Variants in KCNJ6 observed in about 807,000 individuals in gnomAD.
KCNJ6 encodes potassium inwardly rectifying channel subfamily J member 6.
In KCNJ6, 9 loss-of-function variants were observed where a neutral mutation model predicts 34.2. The observed-to-expected ratio is 0.26, with a 90% CI of 0.16 to 0.46. KCNJ6 has a LOEUF of 0.46. Ranked by LOEUF, KCNJ6 falls within the 20% of genes least tolerant of loss-of-function variation. KCNJ6 has a pLI of 1.00. For synonymous variants in KCNJ6, 196 were observed against 207.1 expected (o/e 0.95, Z 0.46); for missense variants, 236 against 531.3 (o/e 0.44, Z 5.46).
chr21:37,813,854 T>C (rs1291116170), intron 2 of KCNJ6, among the ~76,000 whole-genome samples: 1 of 152,188 alleles, frequency 6.6e-6, no homozygotes, highest in Admixed American at 6.5e-5. Context: ...CAAAAATTTC[T>C]TGAGTAATAC....
intron 2 of KCNJ6, among the ~76,000 whole-genome samples, chr21:37,732,264 T>A (rs911340306): frequency 1.3e-5 from 2 of 152,108 alleles, no homozygotes; most frequent in Non-Finnish European, 2.9e-5. Flanking sequence ...GCAGGGTGTG[T>A]GGGGCTGGCC....
intron 1 of KCNJ6, among the ~76,000 whole-genome samples, chr21:37,906,643 T>A (rs571856547): frequency 4.3e-4 from 66 of 152,308 alleles, no homozygotes; most frequent in African/African-American, 1.4e-3. Context: ...CAGCTGACTT[T>A]CATCAGCTCT....
At chr21:37,802,014 G>A (rs2055271689) in intron 2 of KCNJ6, among the ~76,000 whole-genome samples, 1 of 152,210 alleles carries the variant, frequency 6.6e-6, no homozygotes, top group African/African-American at 2.4e-5. Flanking sequence ...TGTGAGTGGT[G>A]AAGCTGGAGC....
chr21:37,641,397 T>C (rs1451596189), intron 3 of KCNJ6, among the ~76,000 whole-genome samples: 1 of 152,124 alleles, frequency 6.6e-6, no homozygotes, highest in Non-Finnish European at 1.5e-5. Flanking sequence ...TCGGATTCAT[T>C]GGATGTATAG....
rs149995164 is a variant in KCNJ6 at position 37,871,440 on chromosome 21, C to T, written c.-27-30731G>A. ...TGATATAGACCCTGTACACCTCCCACCCACGTATCTGGCAGAATGTTCAGG... is the reference window on the plus strand; with the variant it reads ...TGATATAGACCCTGTACACCTCCCATCCACGTATCTGGCAGAATGTTCAGG... On this transcript the variant is annotated intron_variant, in intron 1 of 3. Coordinates refer to ENST00000609713, the MANE Select transcript of KCNJ6 (RefSeq NM_002240.5). Among the ~76,000 whole-genome samples, 540 of 152,330 alleles carry T rather than the reference C, an allele frequency of 3.5e-3. 1 individual carries two copies. The highest frequency in any genetic ancestry group is 0.012 in the African/African-American group (516 of 41,574).
chr21:37,909,190 G>T (rs760763141), intron 1 of KCNJ6, among the ~76,000 whole-genome samples: 2 of 152,142 alleles, frequency 1.3e-5, no homozygotes, highest in African/African-American at 2.4e-5. Flanking sequence ...TTATGTGAAA[G>T]AAATCTTCTA....
At chr21:37,895,270 T>C (rs1190653324) in intron 1 of KCNJ6, among the ~76,000 whole-genome samples, 1 of 152,222 alleles carries the variant, frequency 6.6e-6, no homozygotes, top group Non-Finnish European at 1.5e-5. Flanking sequence ...TTAATGATCA[T>C]GCCTTATCTT....
At chr21:37,680,364 C>T (rs4477996) in intron 3 of KCNJ6, among the ~76,000 whole-genome samples, 76,094 of 151,844 alleles carry the variant, frequency 0.5, 19,088 homozygotes, top group East Asian at 0.51. Flanking sequence ...CTTCACTCCT[C>T]GAGCTCACAG....
At chr21:37,667,942 T>G (rs1403291619) in intron 3 of KCNJ6, among the ~76,000 whole-genome samples, 1 of 151,940 alleles carries the variant, frequency 6.6e-6, no homozygotes, top group Non-Finnish European at 1.5e-5. Context: ...CCAGGAGGCA[T>G]GCCAGAGCTC....
intron 3 of KCNJ6, among the ~76,000 whole-genome samples, chr21:37,667,610 G>T (rs1385312632): frequency 6.7e-6 from 1 of 148,996 alleles, no homozygotes; most frequent in Non-Finnish European, 1.5e-5. Context: ...GGGTAGCGGG[G>T]TCTGGGGTAG....
intron 2 of KCNJ6, among the ~76,000 whole-genome samples, chr21:37,803,736 AAC>A (rs1238290647): frequency 6.6e-6 from 1 of 152,134 alleles, no homozygotes; most frequent in African/African-American, 2.4e-5. Context: ...AATTAAAATG[AAC>A]ACACGACACC....
chr21:37,691,781 C>T (rs2054641021), intron 3 of KCNJ6, among the ~76,000 whole-genome samples: 1 of 150,902 alleles, frequency 6.6e-6, no homozygotes, highest in Non-Finnish European at 1.5e-5. Flanking sequence ...CCTGTGCTCA[C>T]AGGAAAGCAC....
intron 2 of KCNJ6, among the ~76,000 whole-genome samples, chr21:37,731,100 A>AGAGTGTGTGTGTGT: frequency 7.4e-6 from 1 of 134,784 alleles, no homozygotes; most frequent in African/African-American, 2.5e-5. Context: ...AGATGAGAGA[A>AGAGTGTGTGTGTGT]GTGTGTGTGT....
chr21:37,873,684 A>C (rs527669868), intron 1 of KCNJ6, among the ~76,000 whole-genome samples: 321 of 151,764 alleles, frequency 2.1e-3, no homozygotes, highest in African/African-American at 7.0e-3. Context: ...TGACTTTCTC[A>C]CTCTCCCTGT....
chr21:37,714,636 T>G lies in KCNJ6; in HGVS notation c.521A>C (p.Gln174Pro). ...ATTGACAATGGACCCCAACACAGAT[T>G]GGATTAAGAGAAGAATAATTCCCTC... is the stretch of plus-strand genomic sequence containing the variant. ...CPEGIILLLI[Q>P]SVLGSIVNAF... Residue 174 changes from glutamine (Q) to proline (P), a missense_variant, in exon 3 of 4, where the codon CAA becomes CCA. Gln to Pro is a moderately conservative substitution (Grantham distance 76). Around this residue, in one of 5 missense-constraint regions of KCNJ6, gnomAD observed 68 missense variants for 165.7 expected, o/e 0.41. Transcript: ENST00000609713. The surrounding 1 kb of genome is among the most constrained non-coding windows in gnomAD (Gnocchi z 5.9). The G allele has an allele frequency of 6.2e-7, 1 of 1,614,040 alleles. No individual in the cohort carries two copies. Among genetic ancestry groups the G allele is most frequent in the South Asian group, 1.1e-5 (1 of 91,060 alleles).
chr21:37,866,044 G>C (rs1461067842), intron 1 of KCNJ6, among the ~76,000 whole-genome samples: 1 of 152,198 alleles, frequency 6.6e-6, no homozygotes, highest in Non-Finnish European at 1.5e-5. Context: ...TTGTGGATGT[G>C]ATCATAATTG....
In KCNJ6 at chr21:37,714,419, C is replaced by G. The variant is rs1183663291; in HGVS notation, c.738G>C (p.Gln246His). The G allele has an allele frequency of 7.4e-6, 12 of 1,614,168 alleles. No individual in the cohort carries two copies. Among genetic ancestry groups the G allele is most frequent in the Non-Finnish European group, 9.3e-6 (11 of 1,180,028 alleles). Reference sequence around the variant, plus strand: ...ACGGGATGAACTCCCCCTCCGAGGTCTGTTTGGATTTGATCAACTTGGCTC... The same window carrying G: ...ACGGGATGAACTCCCCCTCCGAGGTGTGTTTGGATTTGATCAACTTGGCTC... ...SIRAKLIKSK[Q>H]TSEGEFIPLN... Residue 246 changes from glutamine (Q) to histidine (H), a missense_variant, in exon 3 of 4, where the codon CAG (glutamine) becomes CAC (histidine). Transcript: ENST00000609713. This position sits in a 1 kb window ranked among gnomAD's most constrained non-coding sequence, Gnocchi z 5.9.
At chr21:37,729,271 C>T (rs907767430) in intron 2 of KCNJ6, among the ~76,000 whole-genome samples, 9 of 151,862 alleles carry the variant, frequency 5.9e-5, no homozygotes, top group African/African-American at 1.2e-4. Flanking sequence ...AGGAGATAAA[C>T]GCCACGTCAC....
chr21:37,863,032 A>G (rs1426962108), intron 1 of KCNJ6, among the ~76,000 whole-genome samples: 1 of 152,244 alleles, frequency 6.6e-6, no homozygotes, highest in Non-Finnish European at 1.5e-5. Context: ...AATCATGGAG[A>G]GCATAGACAC....
Sources: allele counts gnomAD v4.1 joint callset (sites outside exome capture counted in the v4.1 genomes callset), GRCh38; gene constraint gnomAD v4.1.1; regional missense constraint gnomAD v4.1.1; non-coding constraint Gnocchi (gnomAD v3.1); transcripts MANE v1.5; gene names NCBI Gene and HGNC (gene_info 2026-07-23, HGNC 2026-07-21).